Variants in GPC3 observed in about 807,000 individuals in gnomAD.
GPC3 encodes glypican-3.
In GPC3, 3 loss-of-function variants were observed where a neutral mutation model predicts 34.4. The ratio of observed to expected loss-of-function variants is 0.09; its 90% CI spans 0.04 to 0.23. GPC3 has a LOEUF of 0.23. GPC3 is among the 10% of genes least tolerant of loss of function. The pLI is 1.00. For missense variants in GPC3, 351 were observed against 445.6 expected (o/e 0.79, Z 1.91); for synonymous variants, 177 against 174.0 (o/e 1.02, Z -0.13).
chrX:133,850,189 G>GTTT (rs1282213093), intron 2 of GPC3, among the ~76,000 whole-genome samples: 2,095 of 72,025 alleles, frequency 0.029, 148 homozygotes, highest in African/African-American at 0.15. Context: ...TGTTTTTTGG[G>GTTT]TTTTGTTTTT....
chrX:133,767,867 C>T (rs1481639161), intron 2 of GPC3, among the ~76,000 whole-genome samples: 5 of 105,911 alleles, frequency 4.7e-5, no homozygotes, highest in African/African-American at 1.7e-4. Context: ...CTCTTATATT[C>T]TATAAACATT....
At chrX:133,929,212 T>C (rs375309949) in intron 2 of GPC3, among the ~76,000 whole-genome samples, 1 of 112,189 alleles carries the variant, frequency 8.9e-6, no homozygotes, top group East Asian at 2.8e-4. Flanking sequence ...TCTTTCTCCA[T>C]TGTGTCCTTT....
chrX:133,644,366 T>C (rs2070520128), intron 6 of GPC3, among the ~76,000 whole-genome samples: 1 of 111,563 alleles, frequency 9.0e-6, no homozygotes. Context: ...GTTTAACCTT[T>C]TAGTTACTCA....
At chrX:133,715,914 T>A (rs2071309006) in intron 3 of GPC3, among the ~76,000 whole-genome samples, 1 of 111,162 alleles carries the variant, frequency 9.0e-6, no homozygotes, top group Non-Finnish European at 1.9e-5. Flanking sequence ...AAGTGAAGGC[T>A]AAGGCAGGGT....
At chrX:133,800,911 T>C (rs951895960) in intron 2 of GPC3, among the ~76,000 whole-genome samples, 5 of 111,883 alleles carry the variant, frequency 4.5e-5, no homozygotes, top group African/African-American at 1.6e-4. Flanking sequence ...TTTAATGAGA[T>C]AGGCAAGTCT....
At chrX:133,787,505 C>A (rs1389360377) in intron 2 of GPC3, among the ~76,000 whole-genome samples, 2 of 111,824 alleles carry the variant, frequency 1.8e-5, no homozygotes, top group Non-Finnish European at 3.8e-5. Flanking sequence ...AATGAAGAAC[C>A]CCTAGGAATT....
intron 7 of GPC3, among the ~76,000 whole-genome samples, chrX:133,536,641 T>G (rs1031973881): frequency 9.0e-6 from 1 of 110,582 alleles, no homozygotes; most frequent in East Asian, 2.9e-4. Context: ...AAGGTTTTGC[T>G]TGAAGGGCAT....
intron 3 of GPC3, among the ~76,000 whole-genome samples, chrX:133,738,088 C>T (rs969382355): frequency 9.0e-5 from 10 of 111,629 alleles, no homozygotes; most frequent in African/African-American, 3.3e-4. Flanking sequence ...CTCAGGCTCC[C>T]GAGTAGCTGA....
At chrX:133,962,628 G>A (rs1469276796) in intron 1 of GPC3, among the ~76,000 whole-genome samples, 1 of 112,176 alleles carries the variant, frequency 8.9e-6, no homozygotes, top group Non-Finnish European at 1.9e-5. Context: ...TTCTAGTTTA[G>A]AATTCTGCCA....
At chrX:133,545,832 G>A (rs1221402291) in intron 7 of GPC3, among the ~76,000 whole-genome samples, 2 of 111,416 alleles carry the variant, frequency 1.8e-5, no homozygotes, top group Admixed American at 1.9e-4. Flanking sequence ...ATAGCTGAAA[G>A]GTGGAAAGAA....
intron 2 of GPC3, among the ~76,000 whole-genome samples, chrX:133,877,952 G>A (rs907499193): frequency 9.0e-6 from 1 of 110,647 alleles, no homozygotes; most frequent in African/African-American, 3.3e-5. Flanking sequence ...AGAATTATGA[G>A]TGACTTTTAT....
intron 2 of GPC3, among the ~76,000 whole-genome samples, chrX:133,892,599 T>G (rs1603267098): frequency 9.0e-6 from 1 of 111,090 alleles, no homozygotes; most frequent in East Asian, 2.8e-4. Context: ...TTTTTGTTTT[T>G]TTTTAACTAA....
At position 133,983,490 on chromosome X, in the gene GPC3, G is replaced by A. The variant is rs371492515; in HGVS notation, c.175+1785C>T. Among the ~76,000 whole-genome samples the A allele has an allele frequency of 1.3e-4, 15 of 111,890 alleles. No individual in the cohort carries two copies. The East Asian group carries it at 1.7e-3, about 13-fold the overall frequency. ...GCCAGAGAGCTGGGGGAGAGCAAGG[G>A]AGGGCGAGTGCCTGCAGGAGTGTGT... On this transcript the variant is annotated intron_variant, in intron 1 of 7. Transcript: ENST00000370818.
chrX:133,671,404 T>C (rs879121480), intron 5 of GPC3: 1 of 501,635 alleles, frequency 2.0e-6, no homozygotes, highest in Non-Finnish European at 3.5e-6. Context: ...CAATATGTTA[T>C]CTGCGGCCAT....
chrX:133,798,032 A>G (rs1414698757), intron 2 of GPC3, among the ~76,000 whole-genome samples: 1 of 111,851 alleles, frequency 8.9e-6, no homozygotes, highest in African/African-American at 3.3e-5. Flanking sequence ...TTTGTCAAAA[A>G]CTTCAAGACA....
chrX:133,722,429 A>C (rs944807230), intron 3 of GPC3, among the ~76,000 whole-genome samples: 6 of 111,992 alleles, frequency 5.4e-5, no homozygotes, highest in Non-Finnish European at 9.4e-5. Context: ...ACGGTATGTT[A>C]GAAGAGGCCA....
chrX:133,950,268 C>T (rs753481192), intron 2 of GPC3, among the ~76,000 whole-genome samples: 3 of 112,078 alleles, frequency 2.7e-5, no homozygotes, highest in East Asian at 5.6e-4. Flanking sequence ...ATCAAAACAA[C>T]ATTAGCAATA....
At chrX:133,588,797 C>T (rs1399432956) in intron 7 of GPC3, among the ~76,000 whole-genome samples, 2 of 111,483 alleles carry the variant, frequency 1.8e-5, no homozygotes, top group Non-Finnish European at 3.8e-5. Context: ...TTGAGATCGT[C>T]GTTATTTTGT....
chrX:133,776,932 T>C (rs778338118), intron 2 of GPC3, among the ~76,000 whole-genome samples: 1 of 94,693 alleles, frequency 1.1e-5, no homozygotes, highest in Non-Finnish European at 2.1e-5. Flanking sequence ...CGCGCTGGAG[T>C]GCAGTGGCGC....
Sources: gnomAD v4.1 joint callset for allele counts (sites outside exome capture counted in the v4.1 genomes callset) on GRCh38, gnomAD v4.1.1 for gene constraint, MANE v1.5 for transcripts, NCBI Gene and HGNC (gene_info 2026-07-23, HGNC 2026-07-21) for gene names.